Variants in STRN observed in about 807,000 individuals in gnomAD.
The protein encoded by STRN is striatin, also known as protein phosphatase 2 regulatory subunit B'''alpha.
A neutral mutation model predicts 96.3 loss-of-function variants in STRN; 53 were observed. The observed-to-expected ratio is 0.55, with a 90% CI of 0.44 to 0.69. STRN has a LOEUF of 0.69. STRN is among the 30% of genes least tolerant of loss of function. STRN has a pLI of 0.00. For missense variants in STRN, 987 were observed against 963.9 expected (o/e 1.02, Z -0.32); for synonymous variants, 428 against 355.9 (o/e 1.20, Z -2.28).
intron 7 of STRN, among the ~76,000 whole-genome samples, chr2:36,893,430 G>C (rs1669454189): frequency 1.5e-5 from 1 of 64,532 alleles, no homozygotes; most frequent in East Asian, 4.5e-4. Flanking sequence ...TAAAATATTT[G>C]ATTTTTTAGA....
chr2:36,889,763 T>A (rs1253878261), intron 7 of STRN, among the ~76,000 whole-genome samples: 1 of 152,076 alleles, frequency 6.6e-6, no homozygotes, highest in South Asian at 2.1e-4. Context: ...TATAAAATCC[T>A]AAAACATACA....
chr2:36,907,740 AC>A (rs971993292), intron 3 of STRN, among the ~76,000 whole-genome samples: 5 of 152,158 alleles, frequency 3.3e-5, no homozygotes, highest in African/African-American at 1.2e-4. Flanking sequence ...TTTCTGTTTC[AC>A]TCCAGAGCCC....
intron 3 of STRN, 22 bp from the exon 4 acceptor site, chr2:36,905,640 TA>T: frequency 6.2e-7 from 1 of 1,605,932 alleles, no homozygotes; most frequent in Non-Finnish European, 8.5e-7. Flanking sequence ...TAAGTCATAA[TA>T]AAACTGACTT....
chr2:36,889,603 T>A (rs963791934), intron 7 of STRN, among the ~76,000 whole-genome samples: 5 of 134,430 alleles, frequency 3.7e-5, no homozygotes, highest in Admixed American at 7.7e-5. Context: ...AACCTAAGCA[T>A]ATTCTTCTTT....
intron 1 of STRN, among the ~76,000 whole-genome samples, chr2:36,931,184 C>A (rs760399977): frequency 9.2e-5 from 14 of 152,076 alleles, no homozygotes; most frequent in Non-Finnish European, 1.9e-4. Flanking sequence ...CTTATACAGG[C>A]CTTCAAGCTG....
chr2:36,933,378 C>A lies in STRN; in HGVS notation c.235-8170G>T, dbSNP rs551180002. Among the ~76,000 whole-genome samples, 13 of 152,196 alleles carry A rather than the reference C, an allele frequency of 8.5e-5. No individual in the cohort carries two copies. In the South Asian group the frequency reaches 2.5e-3, roughly 29 times the overall value. ...GGGAGTTCCCGGAACCAATACCCTA[C>A]AGACATCAAAGGATAACTGTATATG... On this transcript the variant is annotated intron_variant, in intron 1 of 17. Coordinates refer to ENST00000263918, the MANE Select transcript of STRN (RefSeq NM_003162.4).
Position 36,966,473 on chromosome 2 carries a change from A to G in STRN, c.-10T>C, listed in dbSNP as rs1165153075. 1.4e-6 allele frequency: 2 copies of G among 1,442,774 alleles called. No individual in the cohort carries two copies. Among genetic ancestry groups the G allele is most frequent in the African/African-American group, 1.5e-5 (1 of 67,086 alleles). The allele number at this position is 1,442,774 out of a possible 1,614,324, so 89.4% of individuals were successfully genotyped here. On this transcript the variant is annotated 5_prime_UTR_variant, in exon 1 of 18. Transcript: ENST00000263918. ...CCGCCTGCTCGTCCATGGCGGCCGC[A>G]GATACCCGGGGAGCTGCCCCGGCGC...
chr2:36,937,961 C>A (rs1294576440), intron 1 of STRN, among the ~76,000 whole-genome samples: 1 of 151,842 alleles, frequency 6.6e-6, no homozygotes, highest in African/African-American at 2.4e-5. Flanking sequence ...GAAACTAAGT[C>A]AATGAAAAGC....
rs555546770 is a variant in STRN, at chr2:36,838,852, ATG to A, written c.*10602_*10603del. Among the ~76,000 whole-genome samples the A allele has an allele frequency of 1.2e-3, 188 of 152,320 alleles. No homozygotes were observed. Among genetic ancestry groups the A allele is most frequent in the African/African-American group, 4.3e-3 (178 of 41,576 alleles). ...CTCATCCTACATTGTTAAATGAGAA[ATG>A]TGAGATGCAGAGAACGTACATGATC... On this transcript the variant is annotated 3_prime_UTR_variant, in exon 18 of 18. Transcript: ENST00000263918.
At chr2:36,864,161 C>G (rs1335805400) in intron 12 of STRN, among the ~76,000 whole-genome samples, 2 of 152,168 alleles carry the variant, frequency 1.3e-5, no homozygotes, top group African/African-American at 2.4e-5. Flanking sequence ...CCTTGCCTGA[C>G]TGCTCTGGCT....
chr2:36,921,712 G>A (rs369850864), intron 2 of STRN, among the ~76,000 whole-genome samples: 1 of 151,490 alleles, frequency 6.6e-6, no homozygotes, highest in Non-Finnish European at 1.5e-5. Flanking sequence ...TTGTTGATGT[G>A]TCTATTTCAG....
intron 15 of STRN, among the ~76,000 whole-genome samples, chr2:36,854,015 T>C (rs1668282711): frequency 6.6e-6 from 1 of 152,122 alleles, no homozygotes; most frequent in South Asian, 2.1e-4. Context: ...TAGAGTCACA[T>C]CTCTTGGGGG....
intron 1 of STRN, among the ~76,000 whole-genome samples, chr2:36,937,504 A>G (rs1670735097): frequency 4.6e-5 from 7 of 152,028 alleles, no homozygotes. Context: ...ATCCATGTCT[A>G]CAAAAAACTA....
chr2:36,925,707 G>T (rs915658208), intron 1 of STRN, among the ~76,000 whole-genome samples: 18 of 151,980 alleles, frequency 1.2e-4, no homozygotes, highest in Non-Finnish European at 2.1e-4. Flanking sequence ...CAGGAGGCAG[G>T]GGTTGCAGTA....
At chr2:36,881,053 A>ACC (rs1054708513) in intron 9 of STRN, among the ~76,000 whole-genome samples, 19 of 151,190 alleles carry the variant, frequency 1.3e-4, no homozygotes, top group African/African-American at 4.6e-4. Context: ...TCCTAGCCCT[A>ACC]ATCAGCTTTT....
intron 5 of STRN, among the ~76,000 whole-genome samples, chr2:36,900,882 G>C (rs575986987): frequency 6.6e-6 from 1 of 151,930 alleles, no homozygotes; most frequent in African/African-American, 2.4e-5. Context: ...GACAGAGTGA[G>C]ACTCTGTCTC....
chr2:36,941,716 ATTTT>A (rs34746648), intron 1 of STRN, among the ~76,000 whole-genome samples: 4,364 of 134,826 alleles, frequency 0.032, 103 homozygotes, highest in East Asian at 0.13. Context: ...CACCCAGCTA[ATTTT>A]TTTTTTTTTT....
chr2:36,947,621 T>C (rs1664615704), intron 1 of STRN, among the ~76,000 whole-genome samples: 1 of 150,054 alleles, frequency 6.7e-6, no homozygotes, highest in Non-Finnish European at 1.5e-5. Flanking sequence ...AAATTCAATG[T>C]AGAACTGTGT....
rs145745932 is a variant in STRN, at chr2:36,935,948, T to G, written c.235-10740A>C. ...GCTATGAAATGTGAATTAGAGCTCC[T>G]ATTAATAAAACAAAATAAATAAAAA... On this transcript the variant is annotated intron_variant, in intron 1 of 17. Transcript: ENST00000263918. 2.8e-3 allele frequency among the ~76,000 whole-genome samples: 419 copies of G among 152,242 alleles called. 1 individual carries two copies. Among genetic ancestry groups the G allele is most frequent in the African/African-American group, 9.7e-3 (402 of 41,570 alleles).
Sources: gnomAD v4.1 joint callset for allele counts (sites outside exome capture counted in the v4.1 genomes callset) on GRCh38, gnomAD v4.1.1 for gene constraint, MANE v1.5 for transcripts, NCBI Gene and HGNC (gene_info 2026-07-23, HGNC 2026-07-21) for gene names.